Variants in MAP3K2 observed in about 807,000 individuals in gnomAD.
The protein encoded by MAP3K2 is mitogen-activated protein kinase kinase kinase 2.
MAP3K2 carries 24 observed loss-of-function variants against 80.3 expected under a neutral mutation model. That is an observed-to-expected ratio of 0.30 (90% CI 0.22 to 0.42). The LOEUF (loss-of-function observed/expected upper bound fraction) is 0.42, where lower values mean the gene tolerates loss of function less well. MAP3K2 is among the 10% of genes least tolerant of loss of function. MAP3K2 has a pLI of 1.00. For synonymous variants in MAP3K2, 244 were observed against 253.7 expected (o/e 0.96, Z 0.36); for missense variants, 608 against 750.1 (o/e 0.81, Z 2.21).
intron 1 of MAP3K2, among the ~76,000 whole-genome samples, chr2:127,347,807 T>C (rs1004228097): frequency 2.6e-5 from 4 of 152,230 alleles, no homozygotes; most frequent in African/African-American, 9.6e-5. Flanking sequence ...AAAATAAAGA[T>C]GCTCAGTATC....
Position 127,301,189 on chromosome 2 carries a change from C to T in MAP3K2, c.*6390G>A, listed in dbSNP as rs1418531919. The T allele has an allele frequency of 6.6e-6, 1 of 152,198 alleles. No homozygotes were observed. Among genetic ancestry groups the T allele is most frequent in the Non-Finnish European group, 1.5e-5 (1 of 68,032 alleles). The allele number at this position is 152,198 out of a possible 1,614,324, so 9.4% of individuals were successfully genotyped here. The stretch of plus-strand genomic sequence containing the variant: ...CTATGGCACAAAGCAGACATCAGTC[C>T]AGAACCTACTTTTCCTCACAGCTTT... On this transcript the variant is annotated 3_prime_UTR_variant, in exon 17 of 17. Transcript: ENST00000682094.
chr2:127,379,940 T>C (rs1687218108), intron 1 of MAP3K2, among the ~76,000 whole-genome samples: 3 of 152,164 alleles, frequency 2.0e-5, no homozygotes, highest in African/African-American at 7.2e-5. Flanking sequence ...AGGGATTAAA[T>C]GAATTAAAAT....
At chr2:127,347,056 C>G (rs950601086) in intron 1 of MAP3K2, among the ~76,000 whole-genome samples, 1 of 151,980 alleles carries the variant, frequency 6.6e-6, no homozygotes. Context: ...ACAGAAAACA[C>G]ATGTGCCAAA....
At chr2:127,380,163 T>C (rs950579193) in intron 1 of MAP3K2, among the ~76,000 whole-genome samples, 1 of 152,146 alleles carries the variant, frequency 6.6e-6, no homozygotes, top group African/African-American at 2.4e-5. Flanking sequence ...GTCTGCACTG[T>C]GCTAGGTACT....
chr2:127,308,266 A>C (rs966984144), intron 16 of MAP3K2, among the ~76,000 whole-genome samples: 4 of 152,256 alleles, frequency 2.6e-5, no homozygotes, highest in Non-Finnish European at 4.4e-5. Flanking sequence ...CTGACAACAA[A>C]GATGAAGTAC....
intron 1 of MAP3K2, among the ~76,000 whole-genome samples, chr2:127,371,124 C>G (rs146330004): frequency 9.2e-5 from 14 of 152,310 alleles, no homozygotes; most frequent in African/African-American, 3.1e-4. Context: ...CATTTCCTTA[C>G]GAAAGGAATG....
intron 9 of MAP3K2, among the ~76,000 whole-genome samples, chr2:127,324,924 A>G (rs1461202987): frequency 6.6e-6 from 1 of 152,190 alleles, no homozygotes; most frequent in Non-Finnish European, 1.5e-5. Flanking sequence ...GCTTTTTCAC[A>G]AAAGTACTTA....
chr2:127,313,318 C>T (rs1685842846), intron 15 of MAP3K2, among the ~76,000 whole-genome samples: 1 of 152,156 alleles, frequency 6.6e-6, no homozygotes, highest in African/African-American at 2.4e-5. Flanking sequence ...AATAACTTCT[C>T]TATGAGGTTC....
chr2:127,319,199 C>T (rs547949974), intron 12 of MAP3K2, among the ~76,000 whole-genome samples: 1 of 138,228 alleles, frequency 7.2e-6, no homozygotes, highest in South Asian at 2.4e-4. Context: ...CCCTGCATTA[C>T]AGTTAAAGAC....
intron 1 of MAP3K2, 29 bp downstream of exon 1, chr2:127,387,423 A>AC: frequency 8.8e-6 from 4 of 456,292 alleles, no homozygotes; most frequent in Non-Finnish European, 9.9e-6. Flanking sequence ...CACACACACA[A>AC]GCGCGCGCGC....
At chr2:127,314,105 C>A (rs1454520981) in intron 15 of MAP3K2, among the ~76,000 whole-genome samples, 1 of 152,212 alleles carries the variant, frequency 6.6e-6, no homozygotes, top group Non-Finnish European at 1.5e-5. Flanking sequence ...ATCCCCACCA[C>A]TTGCTTTTGT....
At chr2:127,353,228 T>G (rs869244336) in intron 1 of MAP3K2, among the ~76,000 whole-genome samples, 1 of 150,048 alleles carries the variant, frequency 6.7e-6, no homozygotes, top group African/African-American at 2.5e-5. Context: ...GTCTCTGTCC[T>G]GCCGCCATCC....
intron 1 of MAP3K2, among the ~76,000 whole-genome samples, chr2:127,353,543 C>T (rs992855903): frequency 1.4e-5 from 2 of 143,344 alleles, no homozygotes; most frequent in African/African-American, 5.3e-5. Flanking sequence ...CTCCGTCCAG[C>T]AGCTGCCCCG....
chr2:127,365,893 T>C (rs190423896), intron 1 of MAP3K2, among the ~76,000 whole-genome samples: 37 of 152,348 alleles, frequency 2.4e-4, no homozygotes, highest in African/African-American at 8.2e-4. Context: ...TTCCATAATA[T>C]CATAGTAGCT....
rs75292933 is a variant in MAP3K2, at chr2:127,338,278, G to A, written c.124-500C>T. Among the ~76,000 whole-genome samples the A allele has an allele frequency of 5.8e-3, 877 of 152,216 alleles. 6 individuals carry two copies. Among genetic ancestry groups the A allele is most frequent in the African/African-American group, 0.02 (840 of 41,540 alleles). On this transcript the variant is annotated intron_variant, in intron 3 of 16. Coordinates refer to ENST00000682094, the MANE Select transcript of MAP3K2 (RefSeq NM_001371910.2). ...AATGCTACCTTATTTTTTCTGGGAAGGGGTCAACGTTGGCTGCAGAATGCT... is the reference window on the plus strand; with the variant it reads ...AATGCTACCTTATTTTTTCTGGGAAAGGGTCAACGTTGGCTGCAGAATGCT...
At chr2:127,348,415 A>G (rs1203896828) in intron 1 of MAP3K2, among the ~76,000 whole-genome samples, 2 of 152,118 alleles carry the variant, frequency 1.3e-5, no homozygotes, top group Non-Finnish European at 2.9e-5. Flanking sequence ...AATAAATAAA[A>G]TTCAGTCATT....
chr2:127,347,079 T>C (rs980784324), intron 1 of MAP3K2, among the ~76,000 whole-genome samples: 5 of 152,108 alleles, frequency 3.3e-5, no homozygotes, highest in Non-Finnish European at 5.9e-5. Flanking sequence ...TCAACACCCT[T>C]TTATGCTCAA....
intron 1 of MAP3K2, among the ~76,000 whole-genome samples, chr2:127,344,488 C>CAAA: frequency 7.7e-6 from 1 of 129,140 alleles, no homozygotes; most frequent in East Asian, 2.2e-4. Context: ...CCATTTCCAC[C>CAAA]AAAAAAAAAA....
intron 1 of MAP3K2, among the ~76,000 whole-genome samples, chr2:127,361,006 T>A (rs763745826): frequency 5.9e-5 from 9 of 151,998 alleles, no homozygotes; most frequent in Non-Finnish European, 7.4e-5. Context: ...TATCATTTAC[T>A]CAAAACCATA....
Sources: gnomAD v4.1 joint callset for allele counts (sites outside exome capture counted in the v4.1 genomes callset) on GRCh38, gnomAD v4.1.1 for gene constraint, MANE v1.5 for transcripts, NCBI Gene and HGNC (gene_info 2026-07-23, HGNC 2026-07-21) for gene names.